The following ISLR2 variants were observed in gnomAD, a reference collection of about 807,000 sequenced individuals.
ISLR2 encodes immunoglobulin superfamily containing leucine rich repeat 2.
In ISLR2, 16 loss-of-function variants were observed where a neutral mutation model predicts 25.5. The ratio of observed to expected loss-of-function variants is 0.63; its 90% CI spans 0.43 to 0.95. The LOEUF is 0.95. Among genes scored for constraint, ISLR2 ranks in the 40% least tolerant of loss-of-function variants. ISLR2 has a pLI of 0.00. For synonymous variants in ISLR2, 508 were observed against 486.6 expected (o/e 1.04, Z -0.58); for missense variants, 883 against 1,030.7 (o/e 0.86, Z 1.96).
At position 74,134,346 on chromosome 15, in the gene ISLR2, A is replaced by G. The variant is rs760625563; in HGVS notation, c.1592A>G (p.Tyr531Cys). Residue 531 changes from tyrosine to cysteine, a missense_variant, in exon 3 of 3, where the codon TAT becomes TGT. By Grantham distance (194) the Tyr-to-Cys change is radical. This residue lies in a region of ISLR2 where 612 missense variants were observed against 642.8 expected (regional missense o/e 0.95). Transcript: ENST00000453268. ...RPGRRPLRLL[Y>C]LCPAGGGAAV... ...GGGCGGCGACCCCTGCGCCTACTCT[A>G]TCTGTGTCCAGCGGGGGGCGGCGCG... 3.8e-6 allele frequency: 6 copies of G among 1,588,334 alleles called. No homozygotes were observed. Among genetic ancestry groups the G allele is most frequent in the South Asian group, 1.1e-5 (1 of 88,002 alleles).
chr15:74,129,297 G>T (rs1417733578), upstream of ISLR2: 1 of 326,726 alleles, frequency 3.1e-6, no homozygotes, highest in Admixed American at 4.5e-5. The surrounding 1 kb of genome is among the most constrained non-coding windows in gnomAD (Gnocchi z 4.5). Flanking sequence ...CCCGGGCCGG[G>T]TGGTCTCTTT....
chr15:74,118,048 A>T (rs1567155818), intron 2 of ISLR2, among the ~76,000 whole-genome samples: 1 of 152,214 alleles, frequency 6.6e-6, no homozygotes, highest in Non-Finnish European at 1.5e-5. Flanking sequence ...GGGGAAATTC[A>T]GCCAGATATC....
At chr15:74,114,328 T>G (rs2072193895) in intron 2 of ISLR2, among the ~76,000 whole-genome samples, 1 of 152,220 alleles carries the variant, frequency 6.6e-6, no homozygotes. Flanking sequence ...ATATTCATTC[T>G]ATTCTAAAAG....
rs928629890 is a variant in ISLR2 at position 74,132,988 on chromosome 15, G to A, written c.234G>A (p.Thr78=). 1 of 1,613,936 alleles carries A rather than the reference G, an allele frequency of 6.2e-7. No individual in the cohort carries two copies. Among genetic ancestry groups the A allele is most frequent in the South Asian group, 1.1e-5 (1 of 91,082 alleles). Residue 78 remains threonine, a synonymous_variant, in exon 3 of 3, where the codon ACG becomes ACA. Coordinates refer to ENST00000453268, the MANE Select transcript of ISLR2 (RefSeq NM_020851.3). The surrounding 1 kb of genome is among the most constrained non-coding windows in gnomAD (Gnocchi z 4.3). ...CCTTCGCCGACGTCACACAGGTCAC[G>A]TCGCTGTGGCTGGCGCACAATGAGG... ...RGAFADVTQV[T]SLWLAHNEVR... is the part of the protein sequence containing the mutation.
At position 74,122,573 on chromosome 15, in the gene ISLR2, C is replaced by T. The variant is rs191446576; in HGVS notation, n.229-8634C>T. 6.4e-4 allele frequency among the ~76,000 whole-genome samples: 97 copies of T among 152,336 alleles called. 2 individuals carry two copies. The East Asian group carries it at 0.013, about 21-fold the overall frequency. On this transcript the variant is annotated intron_variant and non_coding_transcript_variant, in intron 2 of 3. Coordinates refer to the ISLR2 transcript ENST00000561975. ...TTGCTTAGCTTCTTCCTCTTCCTTTCCTACTTCCCCTTCTCTCTTCTGGTT... is the reference window on the plus strand; with the variant it reads ...TTGCTTAGCTTCTTCCTCTTCCTTTTCTACTTCCCCTTCTCTCTTCTGGTT...
At chr15:74,140,234 T>C (rs2072604489), downstream of ISLR2, among the ~76,000 whole-genome samples, 1 of 152,182 alleles carries the variant, frequency 6.6e-6, no homozygotes, top group Non-Finnish European at 1.5e-5. Context: ...CCAGATCTTG[T>C]GTCTGGAATG....
intron 2 of ISLR2, among the ~76,000 whole-genome samples, chr15:74,106,955 G>A (rs1423647337): frequency 6.6e-6 from 1 of 152,108 alleles, no homozygotes; most frequent in Non-Finnish European, 1.5e-5. Flanking sequence ...TAGTTGCTCT[G>A]ATATAAGAAC....
chr15:74,109,218 T>C (rs552236241), intron 2 of ISLR2, among the ~76,000 whole-genome samples: 3,414 of 151,484 alleles, frequency 0.023, 106 homozygotes, highest in African/African-American at 0.08. Flanking sequence ...CCATATTCTG[T>C]TTTGGAGCTG....
chr15:74,133,045 G>T lies in ISLR2; in HGVS notation c.291G>T (p.Val97=). The T allele has an allele frequency of 6.2e-7, 1 of 1,613,048 alleles. No individual in the cohort carries two copies. ...VRTVEPGALA[V]LSQLKNLDLS... is the part of the protein sequence containing the mutation. ...CCGTGGAGCCAGGCGCACTGGCCGT[G>T]CTGAGTCAGCTCAAGAACCTCGATC... Residue 97 remains valine, a synonymous_variant, in exon 3 of 3, where the codon GTG becomes GTT. Coordinates refer to ENST00000453268, the MANE Select transcript of ISLR2 (RefSeq NM_020851.3).
At chr15:74,123,189 G>A (rs368037492), upstream of ISLR2, among the ~76,000 whole-genome samples, 1 of 152,144 alleles carries the variant, frequency 6.6e-6, no homozygotes, top group Non-Finnish European at 1.5e-5. Context: ...CAGCAGTTTG[G>A]GGGAGGGGCT....
chr15:74,105,794 C>T (rs2072115029), intron 2 of ISLR2, among the ~76,000 whole-genome samples: 3 of 152,142 alleles, frequency 2.0e-5, no homozygotes. Flanking sequence ...AAGATGCCCA[C>T]TCCTCAGTTA....
chr15:74,112,088 A>G (rs2072172419), intron 2 of ISLR2, among the ~76,000 whole-genome samples: 1 of 152,244 alleles, frequency 6.6e-6, no homozygotes, highest in Non-Finnish European at 1.5e-5. Flanking sequence ...AAAGGTTAAA[A>G]TTTTTAAAGT....
At chr15:74,102,527 A>C (rs1230241058) in intron 1 of ISLR2, among the ~76,000 whole-genome samples, 1 of 149,750 alleles carries the variant, frequency 6.7e-6, no homozygotes, top group Non-Finnish European at 1.5e-5. Context: ...CTCAAACATT[A>C]GAGTGCATCC....
At position 74,117,577 on chromosome 15, in the gene ISLR2, G is replaced by A. The variant is rs181818856; in HGVS notation, n.229-13630G>A. Among the ~76,000 whole-genome samples, 7 of 152,242 alleles carry A rather than the reference G, an allele frequency of 4.6e-5. No homozygotes were observed. The East Asian group carries it at 1.3e-3, about 29-fold the overall frequency. ...ACATGCCTGTAATCCCAGCTACTTG[G>A]GAGGCTGAGGTGGAAAGATTGCTTG... On this transcript the variant is annotated intron_variant and non_coding_transcript_variant, in intron 2 of 3. Transcript: ENST00000561975.
At chr15:74,122,241 C>T (rs559033083) in intron 2 of ISLR2, among the ~76,000 whole-genome samples, 1 of 152,226 alleles carries the variant, frequency 6.6e-6, no homozygotes, top group Non-Finnish European at 1.5e-5. Context: ...GGATAGAGGA[C>T]CTCCAGGCCC....
At chr15:74,107,618 T>C (rs1192137772) in intron 2 of ISLR2, among the ~76,000 whole-genome samples, 1 of 152,080 alleles carries the variant, frequency 6.6e-6, no homozygotes, top group African/African-American at 2.4e-5. Flanking sequence ...TCGTCCTGGC[T>C]CCCACAGAGG....
downstream of ISLR2, chr15:74,136,819 T>G (rs995648172): frequency 2.4e-5 from 4 of 167,030 alleles, no homozygotes; most frequent in African/African-American, 9.7e-5. Context: ...TCGGTGACTT[T>G]TTGTCAGGGG....
In ISLR2 at chr15:74,134,607, C is replaced by A. The variant is rs946163815; in HGVS notation, c.1853C>A (p.Ala618Asp). 1 of 1,614,008 alleles carries A rather than the reference C, an allele frequency of 6.2e-7. No homozygotes were observed. Among genetic ancestry groups the A allele is most frequent in the African/African-American group, 1.3e-5 (1 of 74,934 alleles). ...LLGAACCHLLAKHPGKPYRLI... is the reference protein window; with the variant it reads ...LLGAACCHLLDKHPGKPYRLI... ...GGCGCCGCCTGCTGCCATCTGCTGG[C>A]TAAACACCCGGGCAAGCCCTACCGT... Residue 618 changes from alanine to aspartate, a missense_variant, in exon 3 of 3, where the codon GCT becomes GAT. Physicochemically the swap from Ala to Asp is moderately radical, Grantham distance 126. Around this residue, in one of 2 missense-constraint regions of ISLR2, gnomAD observed 612 missense variants for 642.8 expected, o/e 0.95. Coordinates refer to ENST00000453268, the MANE Select transcript of ISLR2 (RefSeq NM_020851.3).
In ISLR2 at chr15:74,133,445, G is replaced by A. The variant is rs1442427538; in HGVS notation, c.691G>A (p.Ala231Thr). 6.2e-7 allele frequency: 1 copy of A among 1,610,378 alleles called. No individual in the cohort carries two copies. Among genetic ancestry groups the A allele is most frequent in the African/African-American group, 1.3e-5 (1 of 75,056 alleles). ...PVYRLPALPC[A>T]PPSVHLSAEP... The stretch of plus-strand genomic sequence containing the variant: ...GTACCGCCTGCCCGCCCTGCCCTGT[G>A]CACCGCCCAGCGTGCATCTGAGTGC... The change falls in exon 3 of 3, where the codon GCA becomes ACA. Residue 231 changes from alanine (A) to threonine (T), a missense_variant. Physicochemically the swap from Ala to Thr is moderately conservative, Grantham distance 58 (BLOSUM62 0). Coordinates refer to ENST00000453268, the MANE Select transcript of ISLR2 (RefSeq NM_020851.3).
Sources: allele counts gnomAD v4.1 joint callset (sites outside exome capture counted in the v4.1 genomes callset), GRCh38; gene constraint gnomAD v4.1.1; regional missense constraint gnomAD v4.1.1; non-coding constraint Gnocchi (gnomAD v3.1); transcripts MANE v1.5; gene names NCBI Gene and HGNC (gene_info 2026-07-23, HGNC 2026-07-21).